Variants in NDC80 observed in about 807,000 individuals in gnomAD.
The protein encoded by NDC80 is NDC80 kinetochore complex component.
Under a neutral mutation model 89.3 loss-of-function variants are expected in NDC80, and 69 were observed. That is an observed-to-expected ratio of 0.77 (90% CI 0.64 to 0.94). The LOEUF is 0.94. NDC80 is among the 40% of genes least tolerant of loss of function. NDC80 has a pLI of 0.00. For synonymous variants in NDC80, 243 were observed against 255.6 expected, an observed-to-expected ratio of 0.95 and a Z score of 0.47; for missense variants, 593 against 739.6, an observed-to-expected ratio of 0.80 and a Z score of 2.30.
intron 10 of NDC80, chr18:2,594,156 A>G (rs1440736652): frequency 6.4e-6 from 1 of 156,756 alleles, no homozygotes; most frequent in Non-Finnish European, 1.4e-5. Context: ...GGGCTTCCCA[A>G]AGCGCTGGGA....
intron 6 of NDC80, among the ~76,000 whole-genome samples, chr18:2,583,249 A>C (rs1470430107): frequency 6.6e-6 from 1 of 152,174 alleles, no homozygotes; most frequent in South Asian, 2.1e-4. Flanking sequence ...GGGGATCTGT[A>C]TGTCCCTGTG....
At chr18:2,598,348 G>A (rs1441984212) in intron 11 of NDC80, among the ~76,000 whole-genome samples, 1 of 152,208 alleles carries the variant, frequency 6.6e-6, no homozygotes, top group African/African-American at 2.4e-5. Flanking sequence ...TCTAGGTGCT[G>A]AGGATAGAGC....
chr18:2,614,698 A>G (rs2072775347), intron 16 of NDC80, among the ~76,000 whole-genome samples: 1 of 152,084 alleles, frequency 6.6e-6, no homozygotes, highest in Non-Finnish European at 1.5e-5. Flanking sequence ...CTCTAGGTAT[A>G]TTTGCCCTAA....
At chr18:2,587,717 A>T in intron 7 of NDC80, 113 bp from the exon 8 acceptor site, 1 of 766,882 alleles carries the variant, frequency 1.3e-6, no homozygotes, top group Non-Finnish European at 2.2e-6. Context: ...TCATCTGACT[A>T]CTTAGTATTT....
intron 16 of NDC80, among the ~76,000 whole-genome samples, chr18:2,614,039 T>C (rs1480604726): frequency 6.6e-6 from 1 of 152,178 alleles, no homozygotes; most frequent in East Asian, 1.9e-4. Context: ...CTTAAGAAAT[T>C]GGCAAAAATT....
intron 10 of NDC80, 95 bp downstream of exon 10, chr18:2,590,257 T>G: frequency 7.7e-7 from 1 of 1,292,430 alleles, no homozygotes; most frequent in Non-Finnish European, 1.0e-6. Flanking sequence ...TTTGTTGTTC[T>G]GTGGTACATG....
chr18:2,572,992 C>T lies in NDC80; in HGVS notation c.7C>T (p.Arg3Cys), dbSNP rs759102108. Residue 3 changes from arginine to cysteine, a missense_variant, in exon 2 of 17, where the codon CGC becomes TGC. By Grantham distance (180) the Arg-to-Cys change is radical. Coordinates refer to ENST00000261597, the MANE Select transcript of NDC80 (RefSeq NM_006101.3). ...GTGAATGTAGGTCATAAGCATGAAG[C>T]GCAGTTCAGTTTCCAGCGGTGGTGC... MK[R>C]SSVSSGGAGR... The T allele has an allele frequency of 6.2e-6, 10 of 1,613,300 alleles. No individual in the cohort carries two copies. Among genetic ancestry groups the T allele is most frequent in the African/African-American group, 1.3e-5 (1 of 74,852 alleles).
rs9961083 is a variant in NDC80 at position 2,605,274 on chromosome 18, A to G, written c.1465-1141A>G. Among the ~76,000 whole-genome samples, 202 of 127,270 alleles carry G rather than the reference A, an allele frequency of 1.6e-3. 1 individual carries two copies. Among genetic ancestry groups the G allele is most frequent in the African/African-American group, 3.5e-3 (112 of 32,334 alleles). 83.5% of individuals were successfully genotyped at this position (127,270 alleles called of 152,430 possible). ...AATTGGAGTCGGGCGGGCTATATGTATGTGTGTGTGTGTGTGTGTGTGTGT... is the reference window on the plus strand; with the variant it reads ...AATTGGAGTCGGGCGGGCTATATGTGTGTGTGTGTGTGTGTGTGTGTGTGT... On this transcript the variant is annotated intron_variant, in intron 13 of 16. Transcript: ENST00000261597.
At chr18:2,612,495 G>A (rs1213787278) in intron 16 of NDC80, among the ~76,000 whole-genome samples, 1 of 151,702 alleles carries the variant, frequency 6.6e-6, no homozygotes, top group Admixed American at 6.6e-5. Flanking sequence ...CACCATGTTG[G>A]CCAGGCTGGT....
At chr18:2,605,923 A>C (rs2072709040) in intron 13 of NDC80, among the ~76,000 whole-genome samples, 1 of 152,146 alleles carries the variant, frequency 6.6e-6, no homozygotes, top group Non-Finnish European at 1.5e-5. Flanking sequence ...AGCTTTAACA[A>C]GATTAAATGT....
At chr18:2,612,272 CTTTCTTTTTT>C (rs2072748885) in intron 16 of NDC80, among the ~76,000 whole-genome samples, 1 of 68,700 alleles carries the variant, frequency 1.5e-5, no homozygotes, top group South Asian at 5.3e-4. Context: ...ACTTTCTTTT[CTTTCTTTTTT>C]TTTTTTTTTT....
chr18:2,606,682 C>G (rs575156519), intron 14 of NDC80, among the ~76,000 whole-genome samples, 175 bp downstream of exon 14: 16 of 152,056 alleles, frequency 1.1e-4, no homozygotes, highest in East Asian at 3.9e-4. Flanking sequence ...TTATTTTGTT[C>G]TTTAAAGGAC....
chr18:2,614,193 C>G (rs955502149), intron 16 of NDC80, among the ~76,000 whole-genome samples: 11 of 152,108 alleles, frequency 7.2e-5, no homozygotes, highest in African/African-American at 2.7e-4. Context: ...AATCCCAGCA[C>G]TTTGGGAGGC....
rs2072610309 is a variant in NDC80 at position 2,587,948 on chromosome 18, C to T, written c.763+25C>T. 3.1e-6 allele frequency: 5 copies of T among 1,594,146 alleles called. No homozygotes were observed. In the South Asian group the frequency reaches 4.4e-5, roughly 14 times the overall value. ...AGTAAGTGTTCTCGTTCTTAGGGTG[C>T]TTGCTTTTGGTCATTTCACTCTGCT... On this transcript the variant is annotated intron_variant, in intron 8 of 16. Transcript: ENST00000261597.
Position 2,577,959 on chromosome 18 carries a change from A to G in NDC80, c.304-10A>G. On this transcript the variant is annotated splice_polypyrimidine_tract_variant and intron_variant, in intron 4 of 16. Coordinates refer to ENST00000261597, the MANE Select transcript of NDC80 (RefSeq NM_006101.3). ...ACAAAACGTTTGGTGGTTCATAAAA[A>G]TTATTGTAGTTTCTTACAGAAAATG... The G allele has an allele frequency of 6.2e-7, 1 of 1,610,018 alleles. No homozygotes were observed. Among genetic ancestry groups the G allele is most frequent in the Non-Finnish European group, 8.5e-7 (1 of 1,177,860 alleles).
At chr18:2,575,183 G>T in intron 3 of NDC80, 117 bp downstream of exon 3, 1 of 751,226 alleles carries the variant, frequency 1.3e-6, no homozygotes, top group Non-Finnish European at 2.2e-6. Flanking sequence ...TTATAATCTA[G>T]TTTTCCTCTG....
At chr18:2,600,543 G>A (rs2072679082) in intron 12 of NDC80, among the ~76,000 whole-genome samples, 1 of 152,012 alleles carries the variant, frequency 6.6e-6, no homozygotes. Context: ...CGGAGGCAGA[G>A]GTTGCAGTGA....
intron 3 of NDC80, among the ~76,000 whole-genome samples, chr18:2,575,824 C>G (rs2677908): frequency 0.58 from 87,652 of 152,070 alleles, 27,463 homozygotes; most frequent in East Asian, 0.73. Flanking sequence ...ACTTGGAAGG[C>G]TGAATCAGGA....
chr18:2,575,175 A>C, intron 3 of NDC80, 109 bp downstream of exon 3: 1 of 801,418 alleles, frequency 1.2e-6, no homozygotes, highest in Non-Finnish European at 2.0e-6. Context: ...GAGAAAAGTT[A>C]TAATCTAGTT....
Sources: gnomAD v4.1 joint callset for allele counts (sites outside exome capture counted in the v4.1 genomes callset) on GRCh38, gnomAD v4.1.1 for gene constraint, MANE v1.5 for transcripts, NCBI Gene and HGNC (gene_info 2026-07-23, HGNC 2026-07-21) for gene names.